SDK1: variants seen among roughly 807,000 people sequenced by gnomAD.
SDK1 encodes sidekick cell adhesion molecule 1, also known as protein sidekick-1.
In SDK1, 157 loss-of-function variants were observed where a neutral mutation model predicts 245.5. The ratio of observed to expected loss-of-function variants is 0.64; its 90% CI spans 0.56 to 0.73. The LOEUF is 0.73. Ranked by LOEUF, SDK1 falls within the 30% of genes least tolerant of loss-of-function variation. SDK1 has a pLI of 0.00. For synonymous variants in SDK1, 1,647 were observed against 1,278.5 expected (o/e 1.29, Z -6.15); for missense variants, 3,583 against 3,002.3 (o/e 1.19, Z -4.52).
intron 4 of SDK1, among the ~76,000 whole-genome samples, chr7:3,764,590 G>A (rs1293098842): frequency 6.6e-6 from 1 of 152,150 alleles, no homozygotes; most frequent in African/African-American, 2.4e-5. Flanking sequence ...GCTGAGGCAA[G>A]AGAATTGCTG....
At chr7:4,120,930 A>T (rs80080491) in intron 25 of SDK1, among the ~76,000 whole-genome samples, 29,774 of 143,418 alleles carry the variant, frequency 0.21, 3,245 homozygotes, top group Middle Eastern at 0.32. Flanking sequence ...ACACTCTTTT[A>T]AAAAAAAAAA....
intron 4 of SDK1, among the ~76,000 whole-genome samples, chr7:3,697,577 T>C (rs888130383): frequency 1.3e-5 from 2 of 152,204 alleles, no homozygotes; most frequent in Non-Finnish European, 2.9e-5. Flanking sequence ...GTCTTCTTAC[T>C]GCTTGCCCCA....
chr7:3,324,020 T>A (rs150481038), intron 1 of SDK1, among the ~76,000 whole-genome samples: 2 of 152,234 alleles, frequency 1.3e-5, no homozygotes, highest in Non-Finnish European at 2.9e-5. Context: ...TATCATGTTA[T>A]CTATTTCATG....
At chr7:3,436,664 C>G (rs1045808860) in intron 1 of SDK1, among the ~76,000 whole-genome samples, 3 of 151,998 alleles carry the variant, frequency 2.0e-5, no homozygotes, top group Non-Finnish European at 4.4e-5. Flanking sequence ...ATATTTTTCT[C>G]TTATTTTTAT....
intron 2 of SDK1, among the ~76,000 whole-genome samples, chr7:3,628,870 G>A (rs1413280602): frequency 1.3e-5 from 2 of 152,132 alleles, no homozygotes; most frequent in African/African-American, 2.4e-5. Context: ...ACTGCCTTGA[G>A]GGGATTTCTA....
intron 5 of SDK1, among the ~76,000 whole-genome samples, chr7:3,950,392 G>T (rs552072364): frequency 1.3e-5 from 2 of 152,322 alleles, no homozygotes; most frequent in African/African-American, 4.8e-5. Flanking sequence ...TTCACTTTCT[G>T]TGGTTTCCAT....
chr7:4,233,077 A>G (rs543589360), intron 40 of SDK1, 178 bp from the exon 41 acceptor site: 179 of 582,736 alleles, frequency 3.1e-4, no homozygotes, highest in Non-Finnish European at 5.0e-4. Context: ...CATCTCCAGA[A>G]CGCTCTTCGA....
At chr7:3,516,085 T>G (rs1782738964) in intron 1 of SDK1, among the ~76,000 whole-genome samples, 1 of 151,782 alleles carries the variant, frequency 6.6e-6, no homozygotes, top group Admixed American at 6.6e-5. Context: ...AGAACTCACC[T>G]TTGTTCCTGT....
intron 4 of SDK1, among the ~76,000 whole-genome samples, chr7:3,756,135 C>A (rs916553551): frequency 6.6e-5 from 10 of 151,150 alleles, no homozygotes; most frequent in Non-Finnish European, 8.8e-5. Flanking sequence ...TGACTCCTTT[C>A]ACATGGCATA....
chr7:3,940,731 G>A (rs998584939), intron 5 of SDK1, among the ~76,000 whole-genome samples: 8 of 152,124 alleles, frequency 5.3e-5, no homozygotes, highest in Non-Finnish European at 1.0e-4. Flanking sequence ...TGAGGCAGAA[G>A]AATCACTTGA....
intron 5 of SDK1, among the ~76,000 whole-genome samples, chr7:3,856,234 G>A (rs1484110106): frequency 1.3e-5 from 2 of 151,998 alleles, no homozygotes; most frequent in African/African-American, 4.8e-5. Flanking sequence ...TTTAAGGGTA[G>A]CTAGTAGAAG....
intron 22 of SDK1, among the ~76,000 whole-genome samples, chr7:4,091,607 G>C (rs768403501): frequency 9.2e-5 from 14 of 152,182 alleles, no homozygotes; most frequent in Admixed American, 2.6e-4. Context: ...CCTCCAAAGT[G>C]CTAGGATTAC....
At chr7:4,147,342 A>G (rs1780049192) in intron 29 of SDK1, among the ~76,000 whole-genome samples, 1 of 151,952 alleles carries the variant, frequency 6.6e-6, no homozygotes, top group African/African-American at 2.4e-5. Context: ...CACCCAGCTA[A>G]TTATGTTCTG....
At chr7:3,841,806 A>G (rs1246251728) in intron 5 of SDK1, among the ~76,000 whole-genome samples, 1 of 152,054 alleles carries the variant, frequency 6.6e-6, no homozygotes, top group African/African-American at 2.4e-5. Context: ...CAGGTGATCC[A>G]CCTACCTCAG....
chr7:3,544,850 A>G (rs1370635994), intron 1 of SDK1, among the ~76,000 whole-genome samples: 2 of 152,184 alleles, frequency 1.3e-5, no homozygotes, highest in African/African-American at 4.8e-5. Context: ...TGCTCGTCAC[A>G]GTTACCCAGG....
chr7:3,696,621 T>A (rs1391765917), intron 4 of SDK1, among the ~76,000 whole-genome samples: 2 of 151,768 alleles, frequency 1.3e-5, no homozygotes, highest in East Asian at 3.9e-4. Context: ...CATTTAAGGT[T>A]ACTCAAAAAG....
chr7:3,909,579 C>G (rs2051276931), intron 5 of SDK1, among the ~76,000 whole-genome samples: 2 of 152,240 alleles, frequency 1.3e-5, no homozygotes, highest in Non-Finnish European at 2.9e-5. Flanking sequence ...AGTGACCCCA[C>G]CACACCCACT....
At chr7:4,127,128 G>A (rs1784438883) in intron 25 of SDK1, among the ~76,000 whole-genome samples, 1 of 152,132 alleles carries the variant, frequency 6.6e-6, no homozygotes, top group Non-Finnish European at 1.5e-5. Context: ...AACAGACCAA[G>A]CATCTTTTTT....
chr7:3,518,473 T>G (rs1782821189), intron 1 of SDK1, among the ~76,000 whole-genome samples: 1 of 147,900 alleles, frequency 6.8e-6, no homozygotes, highest in Non-Finnish European at 1.5e-5. Flanking sequence ...ACTAGGAACT[T>G]AAACATCTGA....
Sources: allele counts gnomAD v4.1 joint callset (sites outside exome capture counted in the v4.1 genomes callset), GRCh38; gene constraint gnomAD v4.1.1; transcripts MANE v1.5; gene names NCBI Gene and HGNC (gene_info 2026-07-23, HGNC 2026-07-21).